The following PPP2R1B variants were observed in gnomAD, a reference collection of about 807,000 sequenced individuals.
The protein encoded by PPP2R1B is serine/threonine-protein phosphatase 2A 65 kDa regulatory subunit A beta isoform.
Under a neutral mutation model 72.7 loss-of-function variants are expected in PPP2R1B, and 58 were observed. That is an observed-to-expected ratio of 0.80 (90% CI 0.65 to 0.99). The LOEUF is 0.99. PPP2R1B is among the 50% of genes least tolerant of loss of function. The pLI, the probability that PPP2R1B is intolerant of heterozygous loss-of-function variation, is 0.00. For missense variants in PPP2R1B, 695 were observed against 733.6 expected (o/e 0.95, Z 0.61); for synonymous variants, 256 against 264.6 (o/e 0.97, Z 0.32).
At chr11:111,705,316 G>A in the PPP2R1B span, among the ~76,000 whole-genome samples, 1 of 152,104 alleles carries the variant, frequency 6.6e-6, no homozygotes, top group African/African-American at 2.4e-5. This position sits in a 1 kb window ranked among gnomAD's most constrained non-coding sequence, Gnocchi z 4.3. Context: ...ATTTTTAAGG[G>A]TTAACTTTAT....
chr11:111,707,273 T>C, the PPP2R1B span, among the ~76,000 whole-genome samples: 1 of 152,246 alleles, frequency 6.6e-6, no homozygotes, highest in African/African-American at 2.4e-5. Context: ...TGAGGGGTTA[T>C]ATAAACAGTT....
At chr11:111,723,518 C>G, downstream of PPP2R1B, 1 of 1,606,842 alleles carries the variant, frequency 6.2e-7, no homozygotes, top group Non-Finnish European at 8.5e-7. Context: ...GCGACTCTTT[C>G]TTCAGAAGCA....
the PPP2R1B span, among the ~76,000 whole-genome samples, chr11:111,697,384 T>C: frequency 1.3e-5 from 2 of 152,098 alleles, no homozygotes; most frequent in African/African-American, 2.4e-5. Flanking sequence ...CAGAATGTTG[T>C]CCCCCATTCC....
At chr11:111,712,118 G>C in the PPP2R1B span, 1 of 1,262,180 alleles carries the variant, frequency 7.9e-7, no homozygotes, top group Non-Finnish European at 1.1e-6. Flanking sequence ...TTCTTTAATT[G>C]CCACAGGAAG....
exon 16 of PPP2R1B, chr11:111,727,029 G>A: frequency 3.7e-6 from 6 of 1,614,138 alleles, no homozygotes; most frequent in Non-Finnish European, 5.1e-6. Context: ...TGTGTCTCTA[G>A]TATCTCCACG....
chr11:111,742,322 A>T, intron 13 of PPP2R1B, 178 bp from the exon 14 acceptor site: 1 of 675,990 alleles, frequency 1.5e-6, no homozygotes, highest in Non-Finnish European at 2.3e-6. Flanking sequence ...AGCTTCAGAC[A>T]AGGATCTACA....
the PPP2R1B span, among the ~76,000 whole-genome samples, chr11:111,713,716 C>G: frequency 1.3e-5 from 2 of 152,202 alleles, no homozygotes; most frequent in African/African-American, 4.8e-5. Context: ...CGCCTGTAAT[C>G]GCAGCACTTT....
the PPP2R1B span, among the ~76,000 whole-genome samples, chr11:111,701,292 G>A: frequency 4.6e-5 from 7 of 152,254 alleles, no homozygotes; most frequent in East Asian, 1.2e-3. This position sits in a 1 kb window ranked among gnomAD's most constrained non-coding sequence, Gnocchi z 4.2. Context: ...ACTTATTGTA[G>A]TAGTCAGGGT....
intron 5 of PPP2R1B, among the ~76,000 whole-genome samples, chr11:111,759,492 A>C (rs1257451439): frequency 6.6e-6 from 1 of 152,216 alleles, no homozygotes; most frequent in African/African-American, 2.4e-5. Flanking sequence ...CTCATATTAC[A>C]ATACAGCCAG....
Position 111,742,088 on chromosome 11 carries a change from A to C in PPP2R1B, c.1754T>G (p.Met585Arg). The stretch of plus-strand genomic sequence containing the variant: ...TTCCTGTGCAAAGTATTTGACATCC[A>C]TGTCTTCATCTTGACCTAACTTCTG... Reference protein sequence around the residue: ...VLQKLGQDEDMDVKYFAQEAI... With the variant: ...VLQKLGQDEDRDVKYFAQEAI... Residue 585 changes from methionine (M) to arginine (R), a missense_variant, in exon 14 of 15, where the codon ATG (methionine) becomes AGG (arginine). By Grantham distance (91) the Met-to-Arg change is moderately conservative (BLOSUM62 -1). Transcript: ENST00000527614. 6.2e-7 allele frequency: 1 copy of C among 1,613,940 alleles called. No individual in the cohort carries two copies. Among genetic ancestry groups the C allele is most frequent in the Non-Finnish European group, 8.5e-7 (1 of 1,179,868 alleles).
the PPP2R1B span, among the ~76,000 whole-genome samples, chr11:111,705,869 A>G: frequency 6.6e-6 from 1 of 152,242 alleles, no homozygotes; most frequent in Non-Finnish European, 1.5e-5. This position sits in a 1 kb window ranked among gnomAD's most constrained non-coding sequence, Gnocchi z 4.3. Flanking sequence ...GAGAGCAGTT[A>G]GGAGAGTGTT....
chr11:111,712,500 T>C, the PPP2R1B span: 1 of 1,014,352 alleles, frequency 9.9e-7, no homozygotes, highest in Non-Finnish European at 1.4e-6. Flanking sequence ...GAGTGATGCT[T>C]TTGTGGAGAA....
downstream of PPP2R1B, chr11:111,726,039 ATCATT>A (rs1227550007): frequency 2.0e-4 from 30 of 152,234 alleles, no homozygotes; most frequent in African/African-American, 5.8e-4. Flanking sequence ...AATAAAGAAC[ATCATT>A]TCATTTAAGA....
At chr11:111,708,118 A>G in the PPP2R1B span, among the ~76,000 whole-genome samples, 7 of 152,222 alleles carry the variant, frequency 4.6e-5, no homozygotes, top group African/African-American at 1.4e-4. Context: ...ACAGTTGCTC[A>G]TGCCTGTAAT....
At chr11:111,731,421 C>T (rs1189417007) in intron 15 of PPP2R1B, among the ~76,000 whole-genome samples, 2 of 152,268 alleles carry the variant, frequency 1.3e-5, no homozygotes, top group African/African-American at 4.8e-5. Context: ...GCGGGGCACC[C>T]TTTTGAGGCC....
the PPP2R1B span, among the ~76,000 whole-genome samples, chr11:111,702,671 T>A: frequency 6.6e-6 from 1 of 152,200 alleles, no homozygotes. Context: ...AAGAGCATCA[T>A]GTCAGCTCAG....
the PPP2R1B span, chr11:111,703,123 A>C: frequency 1.2e-5 from 15 of 1,296,790 alleles, no homozygotes; most frequent in East Asian, 1.2e-4. Flanking sequence ...ACACCCTTGT[A>C]CAAAGTCACA....
chr11:111,713,884 T>C, the PPP2R1B span, among the ~76,000 whole-genome samples: 4 of 152,146 alleles, frequency 2.6e-5, no homozygotes, highest in African/African-American at 9.7e-5. Flanking sequence ...AGAGAATTGC[T>C]TGAACCCAGG....
chr11:111,752,233 C>G lies in PPP2R1B; in HGVS notation c.1264G>C (p.Glu422Gln). The G allele has an allele frequency of 1.2e-6, 2 of 1,614,084 alleles. No homozygotes were observed. Among genetic ancestry groups the G allele is most frequent in the Non-Finnish European group, 1.7e-6 (2 of 1,179,976 alleles). The change falls in exon 10 of 15, where the codon GAG becomes CAG. Residue 422 changes from glutamate to glutamine, a missense_variant. By Grantham distance (29) the Glu-to-Gln change is conservative. Transcript: ENST00000527614. ...LSQSLLPAIV[E>Q]LAEDAKWRVR... ...CTCCATTTGGCATCTTCTGCCAGCTCCACTATGGCAGGAAGGAGAGACTGA... is the reference window on the plus strand; with the variant it reads ...CTCCATTTGGCATCTTCTGCCAGCTGCACTATGGCAGGAAGGAGAGACTGA...
Sources: gnomAD v4.1 joint callset for allele counts (sites outside exome capture counted in the v4.1 genomes callset) on GRCh38, gnomAD v4.1.1 for gene constraint, Gnocchi (gnomAD v3.1) non-coding constraint, MANE v1.5 for transcripts, NCBI Gene and HGNC (gene_info 2026-07-23, HGNC 2026-07-21) for gene names.